The following FLT1 variants were observed in gnomAD, a reference collection of about 807,000 sequenced individuals.
FLT1 encodes the protein vascular endothelial growth factor receptor 1.
A neutral mutation model predicts 156.3 loss-of-function variants in FLT1; 49 were observed. The ratio of observed to expected loss-of-function variants is 0.31; its 90% CI spans 0.25 to 0.40. The LOEUF (loss-of-function observed/expected upper bound fraction) is 0.40, where lower values mean the gene tolerates loss of function less well. FLT1 is among the 10% of genes least tolerant of loss of function. The pLI, the probability that FLT1 is intolerant of heterozygous loss-of-function variation, is 1.00. For missense variants in FLT1, 1,322 were observed against 1,637.2 expected (o/e 0.81, Z 3.32); for synonymous variants, 594 against 583.8 (o/e 1.02, Z -0.25).
chr13:28,343,972 G>A (rs1039831956), intron 16 of FLT1, among the ~76,000 whole-genome samples: 9 of 151,072 alleles, frequency 6.0e-5, no homozygotes, highest in African/African-American at 1.7e-4. Flanking sequence ...GGACTACCAA[G>A]AAGTCTTCTA....
In FLT1 at chr13:28,301,172, G is replaced by GAAA. The variant is rs34252053; in HGVS notation, c.*1992_*1994dup. On this transcript the variant is annotated 3_prime_UTR_variant, in exon 30 of 30. Coordinates refer to ENST00000282397, the MANE Select transcript of FLT1 (RefSeq NM_002019.4). Reference sequence around the variant, plus strand: ...ATTTGCTGGGCTATTATCTGATTTGGAAAAAAAAAAAAAAGTAGAGAATTG... The same window carrying GAAA: ...ATTTGCTGGGCTATTATCTGATTTGGAAAAAAAAAAAAAAAAAGTAGAGAATTG... 15 of 216,338 alleles carry GAAA rather than the reference G, an allele frequency of 6.9e-5. No individual in the cohort carries two copies. The highest frequency in any genetic ancestry group is 1.3e-4 in the East Asian group (2 of 15,676). The allele number at this position is 216,338 out of a possible 1,614,324, so 13.4% of individuals were successfully genotyped here. A position where few individuals can be genotyped will look rare whatever the true frequency, so the allele number is the denominator to read the frequency against.
In FLT1 at chr13:28,317,882, C is replaced by T. The variant is rs546781662; in HGVS notation, c.3287-285G>A. Among the ~76,000 whole-genome samples the T allele has an allele frequency of 1.1e-4, 16 of 152,258 alleles. No homozygotes were observed. The South Asian group carries it at 1.5e-3, about 14-fold the overall frequency. On this transcript the variant is annotated intron_variant, in intron 24 of 29. Coordinates refer to ENST00000282397, the MANE Select transcript of FLT1 (RefSeq NM_002019.4). The stretch of plus-strand genomic sequence containing the variant: ...CCTGTGTGGTCAGAGGAAGGGGTGT[C>T]GTCTGAAGGGTCCTTGCCTTCTCCC...
intron 15 of FLT1, among the ~76,000 whole-genome samples, chr13:28,349,332 C>A (rs1872666392): frequency 6.6e-6 from 1 of 152,094 alleles, no homozygotes; most frequent in African/African-American, 2.4e-5. Context: ...TCTCTCACTA[C>A]ACATCCTCAC....
intron 18 of FLT1, among the ~76,000 whole-genome samples, chr13:28,331,908 A>G (rs1179698351): frequency 6.6e-6 from 1 of 152,056 alleles, no homozygotes; most frequent in African/African-American, 2.4e-5. Context: ...TCTGTATTAC[A>G]TAGAAGAGAT....
chr13:28,340,894 C>G (rs548029294), intron 16 of FLT1, among the ~76,000 whole-genome samples: 1 of 151,696 alleles, frequency 6.6e-6, no homozygotes, highest in Non-Finnish European at 1.5e-5. Context: ...TTGGGTTAGA[C>G]TATGAGGGCC....
At chr13:28,338,017 T>C (rs930702617) in intron 17 of FLT1, among the ~76,000 whole-genome samples, 1 of 152,146 alleles carries the variant, frequency 6.6e-6, no homozygotes, top group Non-Finnish European at 1.5e-5. Flanking sequence ...TAAATGTAGT[T>C]GATTTTTTCC....
intron 4 of FLT1, 149 bp from the exon 5 acceptor site, chr13:28,434,369 T>A: frequency 1.4e-6 from 1 of 723,970 alleles, no homozygotes; most frequent in South Asian, 1.8e-5. Context: ...GGTTAAAAAC[T>A]CTAGTTTGTT....
intron 3 of FLT1, among the ~76,000 whole-genome samples, chr13:28,438,638 A>G (rs898493512): frequency 6.6e-6 from 1 of 152,212 alleles, no homozygotes; most frequent in Admixed American, 6.5e-5. Flanking sequence ...AAAAAGCCTA[A>G]AAGTGCAGTA....
chr13:28,368,160 A>G (rs61614522), intron 14 of FLT1: 44,992 of 551,930 alleles, frequency 0.082, 2,015 homozygotes, highest in South Asian at 0.11. Flanking sequence ...TTATTTATTT[A>G]TTTGTTTTTT....
intron 13 of FLT1, chr13:28,387,846 C>CA: frequency 2.9e-6 from 3 of 1,022,494 alleles, no homozygotes; most frequent in Non-Finnish European, 3.5e-6. Flanking sequence ...GGATTAATTA[C>CA]ACAGTGAACA....
At position 28,300,546 on chromosome 13, in the gene FLT1, CACACACACACAT is replaced by C. The variant is rs1315874262; in HGVS notation, c.*2609_*2620del. On this transcript the variant is annotated 3_prime_UTR_variant, in exon 30 of 30. Coordinates refer to ENST00000282397, the MANE Select transcript of FLT1 (RefSeq NM_002019.4). ...CCACACACACACACACACACACACACACACACACACATACAGTTACACCACTGTCGGCCAAAG... is the reference window on the plus strand; with the variant it reads ...CCACACACACACACACACACACACACACAGTTACACCACTGTCGGCCAAAG... 2 of 232,978 alleles carry C rather than the reference CACACACACACAT, an allele frequency of 8.6e-6. No homozygotes were observed. The highest frequency in any genetic ancestry group is 6.0e-5 in the East Asian group (1 of 16,570). 14.4% of individuals were successfully genotyped at this position (232,978 alleles called of 1,614,324 possible).
At chr13:28,366,366 A>C (rs1233991255) in intron 14 of FLT1, among the ~76,000 whole-genome samples, 1 of 152,078 alleles carries the variant, frequency 6.6e-6, no homozygotes, top group African/African-American at 2.4e-5. Flanking sequence ...ATCTATTTGC[A>C]GTTTGTTCTA....
At chr13:28,463,868 A>T (rs1235810763) in intron 3 of FLT1, among the ~76,000 whole-genome samples, 1 of 152,204 alleles carries the variant, frequency 6.6e-6, no homozygotes, top group Non-Finnish European at 1.5e-5. Flanking sequence ...TGTTTAATGG[A>T]TTATATCACA....
At chr13:28,436,394 C>CA (rs1397825946) in intron 4 of FLT1, among the ~76,000 whole-genome samples, 1 of 152,196 alleles carries the variant, frequency 6.6e-6, no homozygotes, top group African/African-American at 2.4e-5. Context: ...AGAAATACGT[C>CA]ATAGGTTAGA....
intron 23 of FLT1, among the ~76,000 whole-genome samples, chr13:28,320,143 G>A (rs1465238101): frequency 1.3e-5 from 2 of 152,090 alleles, no homozygotes; most frequent in Non-Finnish European, 2.9e-5. Context: ...TTAGATGATG[G>A]GGATTGATGG....
intron 18 of FLT1, among the ~76,000 whole-genome samples, chr13:28,332,329 C>T (rs1871963610): frequency 6.6e-6 from 1 of 152,146 alleles, no homozygotes; most frequent in Non-Finnish European, 1.5e-5. Context: ...GCTGGTTCAG[C>T]TTGCTGTATT....
At chr13:28,337,340 A>T (rs1449510309) in intron 17 of FLT1, among the ~76,000 whole-genome samples, 2 of 152,190 alleles carry the variant, frequency 1.3e-5, no homozygotes, top group Non-Finnish European at 2.9e-5. Context: ...GTATTTCTCT[A>T]CATTTACAAC....
At position 28,428,771 on chromosome 13, in the gene FLT1, T is replaced by C. The variant is rs148051704; in HGVS notation, c.1107-850A>G. On this transcript the variant is annotated intron_variant, in intron 8 of 29. Coordinates refer to ENST00000282397, the MANE Select transcript of FLT1 (RefSeq NM_002019.4). ...GTTTTAATCCATTAGGAGTTTCTTG[T>C]GTTCTGTATAAAGGTTTAATATTGG... Among the ~76,000 whole-genome samples, 422 of 152,362 alleles carry C rather than the reference T, an allele frequency of 2.8e-3. 1 individual carries two copies. The highest frequency in any genetic ancestry group is 9.8e-3 in the African/African-American group (407 of 41,590).
chr13:28,437,425 C>G (rs567320531), intron 4 of FLT1, among the ~76,000 whole-genome samples: 1 of 152,268 alleles, frequency 6.6e-6, no homozygotes, highest in South Asian at 2.1e-4. Context: ...AGTGCCTGCT[C>G]TGTGATGCAC....
Sources: allele counts gnomAD v4.1 joint callset (sites outside exome capture counted in the v4.1 genomes callset), GRCh38; gene constraint gnomAD v4.1.1; transcripts MANE v1.5; gene names NCBI Gene and HGNC (gene_info 2026-07-23, HGNC 2026-07-21).